Variants in PUS10 observed in about 807,000 individuals in gnomAD.
PUS10 encodes tRNA pseudouridine synthase Pus10.
In PUS10, 59 loss-of-function variants were observed where a neutral mutation model predicts 75.0. The ratio of observed to expected loss-of-function variants is 0.79; its 90% confidence interval spans 0.64 to 0.98. The LOEUF (loss-of-function observed/expected upper bound fraction) is 0.98. Ranked by LOEUF, PUS10 falls within the 50% of genes least tolerant of loss-of-function variation. The probability of loss-of-function intolerance (pLI) is 0.00; values close to 1 mark genes in which losing one functional copy is unlikely to be tolerated. For synonymous variants in PUS10, 219 were observed against 211.6 expected (o/e 1.03, Z -0.30); for missense variants, 650 against 614.4 (o/e 1.06, Z -0.61).
At chr2:60,966,117 A>G (rs1676322849) in intron 6 of PUS10, 1 of 152,142 alleles carries the variant, frequency 6.6e-6, no homozygotes, top group African/African-American at 2.4e-5. Flanking sequence ...TTATTTTTTA[A>G]GACATGCTTT....
chr2:61,016,435 CATAAG>C (rs1319323160), intron 1 of PUS10, among the ~76,000 whole-genome samples: 2 of 152,166 alleles, frequency 1.3e-5, no homozygotes, highest in Non-Finnish European at 2.9e-5. Context: ...GCCAGGATTT[CATAAG>C]ATATTAGAAA....
At chr2:60,992,094 C>G (rs1275097712) in intron 4 of PUS10, among the ~76,000 whole-genome samples, 2 of 151,920 alleles carry the variant, frequency 1.3e-5, no homozygotes, top group Admixed American at 6.6e-5. Flanking sequence ...TAACTGCAAC[C>G]TCCACTTCCT....
chr2:60,973,281 G>A (rs1442758781), intron 4 of PUS10, among the ~76,000 whole-genome samples: 1 of 152,256 alleles, frequency 6.6e-6, no homozygotes, highest in Non-Finnish European at 1.5e-5. Context: ...AAAACGCAAA[G>A]AGGCAGGCAG....
chr2:60,965,291 G>C, intron 7 of PUS10, 132 bp downstream of exon 7: 2 of 988,980 alleles, frequency 2.0e-6, no homozygotes, highest in Non-Finnish European at 3.2e-6. Context: ...TTTTTTGAGG[G>C]CACATTTTAA....
rs781716786 is a variant in PUS10 at position 60,960,525 on chromosome 2, A to G, written c.875-8T>C. 1.3e-6 allele frequency: 2 copies of G among 1,566,084 alleles called. No individual in the cohort carries two copies. Among genetic ancestry groups the G allele is most frequent in the African/African-American group, 1.4e-5 (1 of 71,470 alleles). On this transcript the variant is annotated splice_polypyrimidine_tract_variant and splice_region_variant and intron_variant, in intron 10 of 17. Coordinates refer to ENST00000316752, the MANE Select transcript of PUS10 (RefSeq NM_144709.4). ...AGTATTTATTATATCTCCCTGAGAAAGAAATAATCAGATAGCCTGGATGGA... is the reference window on the plus strand; with the variant it reads ...AGTATTTATTATATCTCCCTGAGAAGGAAATAATCAGATAGCCTGGATGGA...
Position 60,941,219 on chromosome 2 carries a change from T to A in PUS10, c.*1176A>T, listed in dbSNP as rs1290950815. 1.3e-5 allele frequency: 2 copies of A among 152,316 alleles called. No individual in the cohort carries two copies. The highest frequency in any genetic ancestry group is 4.8e-5 in the African/African-American group (2 of 41,454). 9.4% of individuals were successfully genotyped at this position (152,316 alleles called of 1,614,324 possible). On this transcript the variant is annotated 3_prime_UTR_variant, in exon 18 of 18. Coordinates refer to ENST00000316752, the MANE Select transcript of PUS10 (RefSeq NM_144709.4). ...TGTTTTTCCTCTTCATAATACCAAC[T>A]GAGGTTTAACTTAATAACAAATGGT...
chr2:61,002,928 C>A (rs1377868863), intron 4 of PUS10, among the ~76,000 whole-genome samples: 2 of 152,186 alleles, frequency 1.3e-5, no homozygotes, highest in East Asian at 3.8e-4. Flanking sequence ...CTACGTCTTA[C>A]TGTAACACTG....
At chr2:60,958,122 A>G (rs1675795452) in intron 11 of PUS10, among the ~76,000 whole-genome samples, 1 of 151,368 alleles carries the variant, frequency 6.6e-6, no homozygotes, top group African/African-American at 2.4e-5. Context: ...TCATCCGCCC[A>G]CTCCTCTCGG....
intron 12 of PUS10, 21 bp downstream of exon 12, chr2:60,954,997 G>A (rs1573395214): frequency 2.0e-6 from 3 of 1,489,860 alleles, no homozygotes; most frequent in Non-Finnish European, 2.8e-6. Flanking sequence ...TTCTAATCAG[G>A]TGATGCTGTT....
intron 4 of PUS10, among the ~76,000 whole-genome samples, chr2:60,984,690 T>C (rs953019701): frequency 2.6e-4 from 39 of 152,200 alleles, no homozygotes; most frequent in Non-Finnish European, 8.8e-5. Context: ...AATGAATTAA[T>C]TTAAGAAATT....
chr2:60,968,871 G>A (rs1297666331), intron 5 of PUS10, among the ~76,000 whole-genome samples: 4 of 152,068 alleles, frequency 2.6e-5, no homozygotes, highest in Non-Finnish European at 5.9e-5. Context: ...AATACTGTGT[G>A]AGCTTCATAA....
intron 16 of PUS10, among the ~76,000 whole-genome samples, chr2:60,947,765 C>G (rs536312447): frequency 2.0e-3 from 285 of 143,196 alleles, no homozygotes; most frequent in African/African-American, 7.2e-3. Flanking sequence ...GGAGGCGGAG[C>G]TTGCAGTAAG....
intron 2 of PUS10, chr2:61,009,793 A>G (rs1199078278): frequency 6.6e-6 from 1 of 152,340 alleles, no homozygotes; most frequent in Non-Finnish European, 1.5e-5. Context: ...ATATTTTTCA[A>G]ATTCATTCAG....
intron 4 of PUS10, among the ~76,000 whole-genome samples, chr2:60,978,571 G>T (rs749318787): frequency 3.3e-5 from 5 of 152,108 alleles, no homozygotes; most frequent in Non-Finnish European, 7.3e-5. Flanking sequence ...GAGGATGTGT[G>T]GCTGGGAAAT....
chr2:60,990,471 G>C (rs1329954754), intron 4 of PUS10, among the ~76,000 whole-genome samples: 1 of 152,180 alleles, frequency 6.6e-6, no homozygotes, highest in African/African-American at 2.4e-5. Context: ...ATCCTGATAA[G>C]CCCTATGTTT....
intron 15 of PUS10, among the ~76,000 whole-genome samples, chr2:60,951,657 C>T (rs559580887): frequency 2.0e-5 from 3 of 152,312 alleles, no homozygotes; most frequent in South Asian, 4.1e-4. Context: ...TAGGGAGCAG[C>T]TGTAAATATA....
chr2:60,965,313 C>T (rs1676269538), intron 7 of PUS10, 110 bp downstream of exon 7: 1 of 1,038,320 alleles, frequency 9.6e-7, no homozygotes, highest in African/African-American at 1.6e-5. Flanking sequence ...CCTACTAAGA[C>T]ATAACAAGTT....
chr2:60,968,687 T>A (rs889827627), intron 5 of PUS10, among the ~76,000 whole-genome samples: 3 of 147,982 alleles, frequency 2.0e-5, no homozygotes, highest in Non-Finnish European at 4.5e-5. Context: ...CAAAAAAAAA[T>A]AAAAAAAAGA....
intron 1 of PUS10, among the ~76,000 whole-genome samples, chr2:61,014,168 G>A (rs1224710627): frequency 6.6e-6 from 1 of 152,112 alleles, no homozygotes; most frequent in Non-Finnish European, 1.5e-5. Context: ...GACAACAGGA[G>A]TTTGAGACCA....
Sources: allele counts gnomAD v4.1 joint callset (sites outside exome capture counted in the v4.1 genomes callset), GRCh38; gene constraint gnomAD v4.1.1; transcripts MANE v1.5; gene names NCBI Gene and HGNC (gene_info 2026-07-23, HGNC 2026-07-21).